CNTNAP2: variants seen among roughly 807,000 people sequenced by gnomAD.
CNTNAP2 encodes the protein contactin associated protein 2.
A neutral mutation model predicts 155.2 loss-of-function variants in CNTNAP2; 98 were observed. The observed-to-expected ratio is 0.63, with a 90% CI of 0.54 to 0.75. The LOEUF (loss-of-function observed/expected upper bound fraction) is 0.75. Among genes scored for constraint, CNTNAP2 ranks in the 30% least tolerant of loss-of-function variants. CNTNAP2 has a pLI of 0.00. For synonymous variants in CNTNAP2, 651 were observed against 631.2 expected (o/e 1.03, Z -0.47); for missense variants, 1,727 against 1,688.1 (o/e 1.02, Z -0.40).
chr7:147,973,482 A>G (rs1162399352), intron 14 of CNTNAP2, among the ~76,000 whole-genome samples: 3 of 152,226 alleles, frequency 2.0e-5, no homozygotes, highest in African/African-American at 7.2e-5. Flanking sequence ...AACCTTTTAT[A>G]AACTTCAATA....
chr7:146,616,856 T>A (rs575146862), intron 1 of CNTNAP2, among the ~76,000 whole-genome samples: 1 of 152,230 alleles, frequency 6.6e-6, no homozygotes, highest in African/African-American at 2.4e-5. Context: ...TTATCTCTTA[T>A]AATGAAACAT....
At chr7:146,128,293 C>A (rs1797666967) in intron 1 of CNTNAP2, among the ~76,000 whole-genome samples, 1 of 152,104 alleles carries the variant, frequency 6.6e-6, no homozygotes, top group Admixed American at 6.6e-5. Context: ...ATGAAATTAG[C>A]CCAAATACCT....
At chr7:147,181,267 G>A (rs1049978864) in intron 8 of CNTNAP2, among the ~76,000 whole-genome samples, 14 of 152,192 alleles carry the variant, frequency 9.2e-5, no homozygotes, top group Admixed American at 8.5e-4. Flanking sequence ...AGGGCACAGA[G>A]GCAGAGTGAA....
intron 13 of CNTNAP2, among the ~76,000 whole-genome samples, chr7:147,835,694 G>A (rs561096174): frequency 6.6e-6 from 1 of 152,130 alleles, no homozygotes; most frequent in African/African-American, 2.4e-5. Flanking sequence ...TTGGAAACAG[G>A]GTTTGTGCAG....
intron 3 of CNTNAP2, among the ~76,000 whole-genome samples, chr7:146,911,587 A>G (rs1228530630): frequency 2.1e-5 from 3 of 145,352 alleles, no homozygotes; most frequent in East Asian, 2.1e-4. Flanking sequence ...ATTCTCACTC[A>G]TAGGTGGGAA....
chr7:147,049,876 A>C (rs1486630467), intron 4 of CNTNAP2, among the ~76,000 whole-genome samples: 1 of 152,148 alleles, frequency 6.6e-6, no homozygotes, highest in Non-Finnish European at 1.5e-5. Context: ...CTCCATGATC[A>C]CTTTGTCATC....
intron 4 of CNTNAP2, among the ~76,000 whole-genome samples, chr7:147,058,187 C>T (rs1799598333): frequency 6.6e-6 from 1 of 152,176 alleles, no homozygotes; most frequent in Admixed American, 6.5e-5. Context: ...TGGACATTTT[C>T]CTTATTGTGA....
rs370274505 is a variant in CNTNAP2, at chr7:147,018,324, T to C, written c.403-25583T>C. Among the ~76,000 whole-genome samples the C allele has an allele frequency of 1.3e-4, 20 of 152,204 alleles. No homozygotes were observed. The East Asian group carries it at 3.9e-3, about 29-fold the overall frequency. ...CTGAAACATAGTGAAGAAGAATATT[T>C]ACCTAACTCCTTGTCCTATAATACC... On this transcript the variant is annotated intron_variant, in intron 3 of 23. Transcript: ENST00000361727.
chr7:147,047,836 G>A (rs1303497722), intron 4 of CNTNAP2, among the ~76,000 whole-genome samples: 1 of 152,108 alleles, frequency 6.6e-6, no homozygotes, highest in Non-Finnish European at 1.5e-5. Flanking sequence ...CACTGTATAA[G>A]TCCCTTTGGG....
intron 1 of CNTNAP2, among the ~76,000 whole-genome samples, chr7:146,340,168 C>T (rs1172252500): frequency 5.5e-5 from 3 of 54,894 alleles, no homozygotes; most frequent in Non-Finnish European, 8.0e-5. Context: ...GACTCCGCCT[C>T]AAAAAAAAAA....
At chr7:146,720,799 A>C (rs770785270) in intron 1 of CNTNAP2, among the ~76,000 whole-genome samples, 25 of 150,616 alleles carry the variant, frequency 1.7e-4, no homozygotes, top group Non-Finnish European at 3.0e-4. Flanking sequence ...CATTAAATAC[A>C]GAATACAAAC....
chr7:147,675,947 T>C (rs1047657989), intron 13 of CNTNAP2, among the ~76,000 whole-genome samples: 5 of 152,094 alleles, frequency 3.3e-5, no homozygotes, highest in Non-Finnish European at 7.4e-5. Context: ...GTGATGATAC[T>C]AGCTTCACAC....
At chr7:147,621,223 G>T (rs1321978352) in intron 12 of CNTNAP2, among the ~76,000 whole-genome samples, 1 of 152,054 alleles carries the variant, frequency 6.6e-6, no homozygotes, top group Non-Finnish European at 1.5e-5. Context: ...TGTCCTATGA[G>T]AAATGCTAAA....
At chr7:146,741,550 A>C (rs748181485) in intron 1 of CNTNAP2, among the ~76,000 whole-genome samples, 1 of 152,212 alleles carries the variant, frequency 6.6e-6, no homozygotes, top group Non-Finnish European at 1.5e-5. Flanking sequence ...AGGAGTTAGA[A>C]AGACCAGAGC....
At chr7:147,193,440 GGT>G (rs1166532791) in intron 8 of CNTNAP2, among the ~76,000 whole-genome samples, 1 of 152,098 alleles carries the variant, frequency 6.6e-6, no homozygotes, top group East Asian at 1.9e-4. Context: ...TGCTTTCTGG[GGT>G]GCACTAGGCT....
At chr7:147,416,829 C>T (rs545074516) in intron 10 of CNTNAP2, among the ~76,000 whole-genome samples, 3 of 152,230 alleles carry the variant, frequency 2.0e-5, no homozygotes, top group Admixed American at 6.5e-5. Flanking sequence ...TGCAGTGGCT[C>T]AGTAATCCTA....
intron 17 of CNTNAP2, among the ~76,000 whole-genome samples, chr7:148,149,505 AAAT>A (rs1322891330): frequency 1.3e-5 from 2 of 152,166 alleles, no homozygotes; most frequent in Non-Finnish European, 2.9e-5. Context: ...AGGTAATGGC[AAAT>A]AATATCAAGC....
At chr7:146,775,551 AAAGGGAAGAAGG>A in intron 2 of CNTNAP2, among the ~76,000 whole-genome samples, 1 of 151,674 alleles carries the variant, frequency 6.6e-6, no homozygotes, top group East Asian at 1.9e-4. Flanking sequence ...AGGAAGTAAG[AAAGGGAAGAAGG>A]GAGGGAAGGA....
chr7:147,000,629 A>G (rs1798403507), intron 3 of CNTNAP2, among the ~76,000 whole-genome samples: 1 of 152,106 alleles, frequency 6.6e-6, no homozygotes, highest in Non-Finnish European at 1.5e-5. Context: ...GGGGTGCCCT[A>G]TATCCTGAAC....
Sources: allele counts gnomAD v4.1 joint callset (sites outside exome capture counted in the v4.1 genomes callset), GRCh38; gene constraint gnomAD v4.1.1; transcripts MANE v1.5; gene names NCBI Gene and HGNC (gene_info 2026-07-23, HGNC 2026-07-21).